The following IL17RD variants were observed in gnomAD, a reference collection of about 807,000 sequenced individuals.
IL17RD encodes the protein interleukin 17 receptor D.
Under a neutral mutation model 80.5 loss-of-function variants are expected in IL17RD, and 52 were observed. That is an observed-to-expected ratio of 0.65 (90% CI 0.52 to 0.81). IL17RD has a LOEUF of 0.81. Among genes scored for constraint, IL17RD ranks in the 40% least tolerant of loss-of-function variants. The probability of loss-of-function intolerance (pLI) is 0.00; values close to 1 mark genes in which losing one functional copy is unlikely to be tolerated. For missense variants in IL17RD, 1,024 were observed against 955.1 expected (o/e 1.07, Z -0.95); for synonymous variants, 416 against 391.8 (o/e 1.06, Z -0.73).
At chr3:57,135,775 T>A (rs1707711895) in intron 1 of IL17RD, among the ~76,000 whole-genome samples, 1 of 152,186 alleles carries the variant, frequency 6.6e-6, no homozygotes, top group African/African-American at 2.4e-5. Context: ...TCTTATCAAC[T>A]GTCATCAACC....
intron 1 of IL17RD, among the ~76,000 whole-genome samples, chr3:57,127,412 A>ATT (rs58398251): frequency 0.014 from 1,305 of 91,184 alleles, 101 homozygotes; most frequent in Non-Finnish European, 0.016. Context: ...ATATATATAT[A>ATT]TTTTTTTTTT....
rs114184946 is a variant in IL17RD, at chr3:57,121,392, G to C, written c.127-1079C>G. Reference sequence around the variant, plus strand: ...TTCACGCTGCTTATCCTGAAGCCAGGCACACCCACTGAAAGTGTATCCCTG... The same window carrying C: ...TTCACGCTGCTTATCCTGAAGCCAGCCACACCCACTGAAAGTGTATCCCTG... On this transcript the variant is annotated intron_variant, in intron 1 of 12. Coordinates refer to ENST00000296318, the MANE Select transcript of IL17RD (RefSeq NM_017563.5). 5.0e-3 allele frequency among the ~76,000 whole-genome samples: 764 copies of C among 152,232 alleles called. 8 individuals carry two copies. Among genetic ancestry groups the C allele is most frequent in the African/African-American group, 0.017 (725 of 41,530 alleles).
Position 57,128,349 on chromosome 3 carries a change from ATC to A in IL17RD, c.127-8038_127-8037del, listed in dbSNP as rs1387197731. ...CAGACCAAAGCCGTAATCGTGATTC[ATC>A]TCTGACATGTTGCTAATCAGCACAC... On this transcript the variant is annotated intron_variant, in intron 1 of 12. Transcript: ENST00000296318. 6.6e-5 allele frequency among the ~76,000 whole-genome samples: 10 copies of A among 152,282 alleles called. No homozygotes were observed. In the East Asian group the frequency reaches 1.9e-3, roughly 29 times the overall value.
At chr3:57,170,068 C>T (rs2060362789), upstream of IL17RD, among the ~76,000 whole-genome samples, 1 of 152,206 alleles carries the variant, frequency 6.6e-6, no homozygotes, top group East Asian at 1.9e-4. Context: ...CAGACTCTTC[C>T]TGTCTAGGAC....
chr3:57,101,415 A>G (rs1425359335), intron 10 of IL17RD, 52 bp from the exon 11 acceptor site: 15 of 1,249,894 alleles, frequency 1.2e-5, no homozygotes, highest in East Asian at 5.0e-5. Context: ...GCTTTGTTCT[A>G]TTTCCTAAGA....
chr3:57,101,725 A>G (rs1376802914), intron 10 of IL17RD, among the ~76,000 whole-genome samples: 1 of 152,170 alleles, frequency 6.6e-6, no homozygotes, highest in Admixed American at 6.5e-5. Context: ...ATTTTTTTTA[A>G]AAGTTTTTAT....
intron 1 of IL17RD, among the ~76,000 whole-genome samples, chr3:57,129,096 A>C (rs1325861956): frequency 6.6e-6 from 1 of 152,164 alleles, no homozygotes; most frequent in East Asian, 1.9e-4. Context: ...CATGTTAGAG[A>C]ACTGGCATCT....
chr3:57,110,270 G>A lies in IL17RD; in HGVS notation c.352C>T (p.Leu118=). 6.2e-7 allele frequency: 1 copy of A among 1,609,114 alleles called. No homozygotes were observed. Among genetic ancestry groups the A allele is most frequent in the Non-Finnish European group, 8.5e-7 (1 of 1,177,536 alleles). The part of the protein sequence containing the change: ...LKGFRVILEE[L]KSEGRQCQQL... The stretch of plus-strand genomic sequence containing the variant: ...TGGCACTGTCTTCCCTCCGACTTCA[G>A]CTCCTCCAGTATTACCCGAAATCCT... Residue 118 remains leucine (L), a synonymous_variant, in exon 4 of 13, where the codon CTG becomes TTG. Transcript: ENST00000296318.
rs1162276692 is a variant in IL17RD at position 57,127,345 on chromosome 3, T to A, written c.127-7032A>T. Reference sequence around the variant, plus strand: ...ATATATAAATATATATAAAAATATATATAAATATATATAAATATAAATATA... The same window carrying A: ...ATATATAAATATATATAAAAATATAAATAAATATATATAAATATAAATATA... On this transcript the variant is annotated intron_variant, in intron 1 of 12. Coordinates refer to ENST00000296318, the MANE Select transcript of IL17RD (RefSeq NM_017563.5). 2.7e-3 allele frequency among the ~76,000 whole-genome samples: 226 copies of A among 83,584 alleles called. 16 individuals carry two copies. Among genetic ancestry groups the A allele is most frequent in the African/African-American group, 9.3e-3 (196 of 21,046 alleles). 54.8% of individuals were successfully genotyped at this position (83,584 alleles called of 152,430 possible).
chr3:57,104,453 A>C, intron 7 of IL17RD, 46 bp from the exon 8 acceptor site: 1 of 1,309,996 alleles, frequency 7.6e-7, no homozygotes, highest in African/African-American at 1.4e-5. Context: ...TCTTGGGCAA[A>C]GGTCTTCAGG....
intron 7 of IL17RD, 87 bp from the exon 8 acceptor site, chr3:57,104,494 C>T (rs1225229316): frequency 2.4e-6 from 2 of 838,098 alleles, no homozygotes; most frequent in East Asian, 5.2e-5. Context: ...CTGAAGGAGA[C>T]TTGCCACCAG....
At position 57,102,543 on chromosome 3, in the gene IL17RD, C is replaced by T; in HGVS notation, c.915G>A (p.Val305=). ...AGPIRAVAIT[V]PLVVISAFAT... ...CGAATGCCGATATGACTACCAGTGG[C>T]ACTGTGATGGCCACGGCTCTGATGG... Residue 305 remains valine, a synonymous_variant, in exon 10 of 13, where the codon GTG becomes GTA. Transcript: ENST00000296318. 1.9e-6 allele frequency: 3 copies of T among 1,580,734 alleles called. No individual in the cohort carries two copies. The highest frequency in any genetic ancestry group is 2.6e-6 in the Non-Finnish European group (3 of 1,155,480).
intron 2 of IL17RD, among the ~76,000 whole-genome samples, chr3:57,116,607 T>G (rs553209833): frequency 5.0e-4 from 76 of 152,250 alleles, no homozygotes; most frequent in African/African-American, 1.8e-3. Flanking sequence ...TCAATATTAC[T>G]TCTTTCAAAG....
At position 57,105,854 on chromosome 3, in the gene IL17RD, CA is replaced by C; in HGVS notation, c.747+2del. 6.2e-7 allele frequency: 1 copy of C among 1,613,018 alleles called. No individual in the cohort carries two copies. Among genetic ancestry groups the C allele is most frequent in the Middle Eastern group, 1.7e-4 (1 of 5,840 alleles). On this transcript the variant is annotated splice_donor_variant, in intron 7 of 12. Transcript: ENST00000296318. LOFTEE classifies it high-confidence loss of function. ...GTTCCTTTATATACACCCAGCAGCT[CA>C]CCTGCTTACAGGTCTTTCGCTTGAA...
At chr3:57,169,283 G>A (rs1196673459), upstream of IL17RD, 6 of 515,400 alleles carry the variant, frequency 1.2e-5, no homozygotes, top group Non-Finnish European at 2.3e-5. Context: ...GCCACTCCTC[G>A]TGGTGAGAGG....
rs146267610 is a variant in IL17RD, at chr3:57,159,487, T to A, written c.126+5674A>T. On this transcript the variant is annotated intron_variant, in intron 1 of 12. Coordinates refer to ENST00000296318, the MANE Select transcript of IL17RD (RefSeq NM_017563.5). The stretch of plus-strand genomic sequence containing the variant: ...AGGCTGTGGGCCCCGGAGGAGACAA[T>A]GTGTTTCGGAGGCCATCAGTCACCT... Among the ~76,000 whole-genome samples, 1,468 of 152,094 alleles carry A rather than the reference T, an allele frequency of 9.7e-3. 14 individuals are homozygous for A. The highest frequency in any genetic ancestry group is 0.015 in the Non-Finnish European group (1,028 of 67,982).
chr3:57,096,593 G>A, intron 12 of IL17RD, 88 bp from the exon 13 acceptor site: 1 of 941,684 alleles, frequency 1.1e-6, no homozygotes. Flanking sequence ...ACTGGATCTG[G>A]GTTTGGACTA....
upstream of IL17RD, chr3:57,165,399 T>C (rs2060342199): frequency 1.1e-6 from 1 of 903,244 alleles, no homozygotes; most frequent in Admixed American, 5.0e-5. Context: ...GGGACCGCAC[T>C]GGGCATGCGT....
chr3:57,152,990 G>A (rs1479838339), intron 1 of IL17RD, among the ~76,000 whole-genome samples: 1 of 152,160 alleles, frequency 6.6e-6, no homozygotes, highest in East Asian at 1.9e-4. Flanking sequence ...CTCTGAGGGC[G>A]ACATCTATAA....
Sources: allele counts gnomAD v4.1 joint callset (sites outside exome capture counted in the v4.1 genomes callset), GRCh38; gene constraint gnomAD v4.1.1; transcripts MANE v1.5; gene names NCBI Gene and HGNC (gene_info 2026-07-23, HGNC 2026-07-21).